The following USP34 variants were observed in gnomAD, a reference collection of about 807,000 sequenced individuals.
USP34 encodes the protein ubiquitin specific peptidase 34.
In USP34, 70 loss-of-function variants were observed where a neutral mutation model predicts 460.3. The ratio of observed to expected loss-of-function variants is 0.15; its 90% confidence interval spans 0.13 to 0.19. The LOEUF is 0.19. USP34 is among the 10% of genes least tolerant of loss of function. The pLI, the probability that USP34 is intolerant of heterozygous loss-of-function variation, is 1.00. For synonymous variants in USP34, 1,647 were observed against 1,405.3 expected, an observed-to-expected ratio of 1.17 and a Z score of -3.85; for missense variants, 3,985 against 4,236.2, an observed-to-expected ratio of 0.94 and a Z score of 1.65.
At chr2:61,455,900 C>T (rs1028065729) in intron 1 of USP34, among the ~76,000 whole-genome samples, 1 of 152,096 alleles carries the variant, frequency 6.6e-6, no homozygotes, top group African/African-American at 2.4e-5. Context: ...GGTAAGGGAA[C>T]TTAGCCAAAG....
intron 8 of USP34, among the ~76,000 whole-genome samples, chr2:61,371,351 C>T (rs2103839133): frequency 6.6e-6 from 1 of 150,704 alleles, no homozygotes; most frequent in South Asian, 2.1e-4. Flanking sequence ...ATTTATTATA[C>T]TTTTCATCTT....
intron 15 of USP34, among the ~76,000 whole-genome samples, chr2:61,345,153 A>C (rs1691726069): frequency 1.3e-5 from 2 of 152,204 alleles, no homozygotes; most frequent in South Asian, 4.1e-4. Context: ...GCATACCCAT[A>C]ATCACAGCTA....
In USP34 at chr2:61,227,174, CTCT is replaced by C. The variant is rs1350576503; in HGVS notation, c.7485_7487del (p.Glu2499del). 14 of 1,613,670 alleles carry C rather than the reference CTCT, an allele frequency of 8.7e-6. No homozygotes were observed. The highest frequency in any genetic ancestry group is 2.2e-5 in the South Asian group (2 of 91,040). ...CCAGAGAGAGGATATCTTCTTCCTC[CTCT>C]TCTTCTTCCCCTTCTTCCTCTGATA... is the stretch of plus-strand genomic sequence containing the variant. On this transcript the variant is annotated inframe_deletion, in exon 62 of 80. Coordinates refer to ENST00000398571, the MANE Select transcript of USP34 (RefSeq NM_014709.4).
chr2:61,243,310 C>A (rs1156240292), intron 51 of USP34, among the ~76,000 whole-genome samples: 1 of 151,994 alleles, frequency 6.6e-6, no homozygotes, highest in East Asian at 1.9e-4. Context: ...CCACGCCCGG[C>A]TAATTTTTAC....
chr2:61,199,292 G>A (rs1444906444), intron 75 of USP34, among the ~76,000 whole-genome samples: 1 of 150,322 alleles, frequency 6.7e-6, no homozygotes, highest in East Asian at 2.0e-4. Context: ...TTTCACTCTT[G>A]TCACCCAGAC....
chr2:61,329,707 C>G (rs1691204102), intron 20 of USP34, among the ~76,000 whole-genome samples: 1 of 152,070 alleles, frequency 6.6e-6, no homozygotes, highest in Admixed American at 6.6e-5. Context: ...ATTTCATATG[C>G]TATATTATTT....
chr2:61,271,590 A>C (rs1689215575), intron 41 of USP34, among the ~76,000 whole-genome samples: 1 of 152,248 alleles, frequency 6.6e-6, no homozygotes. Flanking sequence ...AGGAATGCAA[A>C]AGGAGGAAAA....
At chr2:61,348,698 G>A (rs1691847099) in intron 14 of USP34, 58 bp downstream of exon 14, 11 of 1,563,486 alleles carry the variant, frequency 7.0e-6, no homozygotes, top group Middle Eastern at 3.4e-4. Context: ...CAATTCAAAT[G>A]ATAAACACGC....
chr2:61,283,653 G>A (rs920485948), intron 35 of USP34, among the ~76,000 whole-genome samples: 2 of 152,064 alleles, frequency 1.3e-5, no homozygotes, highest in African/African-American at 4.8e-5. Context: ...GTCTCACTCT[G>A]TTGCCCAGGC....
intron 14 of USP34, 123 bp from the exon 15 acceptor site, chr2:61,348,603 CA>C: frequency 6.9e-7 from 1 of 1,441,616 alleles, no homozygotes; most frequent in Non-Finnish European, 9.2e-7. Context: ...TTGAACAATA[CA>C]AAATGGAATT....
intron 57 of USP34, among the ~76,000 whole-genome samples, chr2:61,235,296 TG>T (rs1239585138): frequency 6.6e-6 from 1 of 151,370 alleles, no homozygotes; most frequent in African/African-American, 2.4e-5. Flanking sequence ...GTTTTCCTTC[TG>T]GTAGATGAAG....
At chr2:61,200,272 G>C (rs937493222) in intron 75 of USP34, 1 of 152,332 alleles carries the variant, frequency 6.6e-6, no homozygotes, top group Non-Finnish European at 1.5e-5. Context: ...CCAGGCTTCT[G>C]CTGTTTTTAA....
chr2:61,252,584 A>C (rs546124055), intron 48 of USP34, among the ~76,000 whole-genome samples: 12 of 152,394 alleles, frequency 7.9e-5, no homozygotes, highest in African/African-American at 2.2e-4. Context: ...TAAACCAAGA[A>C]CACAGTCAAA....
chr2:61,283,578 TGAGAG>T, intron 35 of USP34, 129 bp from the exon 36 acceptor site: 1 of 151,762 alleles, frequency 6.6e-6, no homozygotes, highest in Non-Finnish European at 1.0e-5. Flanking sequence ...GGTGTGTGAG[TGAGAG>T]TGAGAGTGAG....
chr2:61,330,620 G>C (rs906948989), intron 20 of USP34, among the ~76,000 whole-genome samples: 2 of 152,082 alleles, frequency 1.3e-5, no homozygotes, highest in South Asian at 4.1e-4. Flanking sequence ...TAGTGGCATT[G>C]AACTGGTTTC....
chr2:61,454,271 G>A (rs974533582), intron 1 of USP34, among the ~76,000 whole-genome samples: 5 of 151,770 alleles, frequency 3.3e-5, no homozygotes, highest in South Asian at 2.1e-4. Context: ...GATTACAGGC[G>A]TGTGCCATCA....
rs979917526 is a variant in USP34 at position 61,341,753 on chromosome 2, T to G, written c.2500+2062A>C. On this transcript the variant is annotated intron_variant, in intron 16 of 79. Transcript: ENST00000398571. ...TTATAAACTACCCAGACTCAGGTCT[T>G]TCTTTTTTTTTTTTTTTTTTTTTTT... Among the ~76,000 whole-genome samples the G allele has an allele frequency of 2.7e-4, 40 of 146,900 alleles. 1 individual carries two copies. The highest frequency in any genetic ancestry group is 1.0e-3 in the African/African-American group (40 of 39,862).
chr2:61,242,303 A>G (rs183642382), intron 51 of USP34, among the ~76,000 whole-genome samples: 11 of 152,276 alleles, frequency 7.2e-5, no homozygotes, highest in African/African-American at 9.6e-5. Context: ...CTTCACAAAC[A>G]TAATTTTGAA....
intron 75 of USP34, among the ~76,000 whole-genome samples, chr2:61,195,633 C>T (rs2103747102): frequency 6.6e-6 from 1 of 152,192 alleles, no homozygotes; most frequent in Non-Finnish European, 1.5e-5. Context: ...GATTGTGCCA[C>T]TGCACTCCAG....
Sources: gnomAD v4.1 joint callset for allele counts (sites outside exome capture counted in the v4.1 genomes callset) on GRCh38, gnomAD v4.1.1 for gene constraint, MANE v1.5 for transcripts, NCBI Gene and HGNC (gene_info 2026-07-23, HGNC 2026-07-21) for gene names.